STAG3: variants seen among roughly 807,000 people sequenced by gnomAD.
The protein encoded by STAG3 is cohesin subunit SA-3.
STAG3 carries 101 observed loss-of-function variants against 160.7 expected under a neutral mutation model. The observed-to-expected ratio is 0.63, with a 90% CI of 0.54 to 0.74. The LOEUF (loss-of-function observed/expected upper bound fraction) is 0.74. Among genes scored for constraint, STAG3 ranks in the 30% least tolerant of loss-of-function variants. STAG3 has a pLI of 0.00. For synonymous variants in STAG3, 519 were observed against 585.0 expected, an observed-to-expected ratio of 0.89 and a Z score of 1.63; for missense variants, 1,188 against 1,517.4, an observed-to-expected ratio of 0.78 and a Z score of 3.61.
At chr7:100,216,470 A>T (rs1031468014), downstream of STAG3, among the ~76,000 whole-genome samples, 5 of 152,320 alleles carry the variant, frequency 3.3e-5, no homozygotes, top group African/African-American at 9.6e-5. Context: ...AACATTTTTT[A>T]AAATCATGGT....
Position 100,204,663 on chromosome 7 carries a change from G to A in STAG3, c.2839G>A (p.Gly947Ser). The A allele has an allele frequency of 1.2e-6, 2 of 1,614,192 alleles. No homozygotes were observed. The highest frequency in any genetic ancestry group is 1.1e-5 in the South Asian group (1 of 91,082). ...TELLQEHGPQ[G>S]LNELPAFIEM... is the part of the protein sequence containing the mutation. ...ACTGCTGCAGGAGCATGGGCCCCAG[G>A]GCCTGAATGAGCTTCCTGCCTTCAT... Residue 947 changes from glycine (G) to serine (S), a missense_variant, in exon 27 of 34, where the codon GGC (glycine) becomes AGC (serine). By Grantham distance (56) the Gly-to-Ser change is moderately conservative. Around this residue, in one of 4 missense-constraint regions of STAG3, gnomAD observed 647 missense variants for 717.2 expected, o/e 0.90. Transcript: ENST00000615138.
chr7:100,205,498 C>A (rs1201752758), intron 29 of STAG3, 114 bp downstream of exon 29: 21 of 1,148,490 alleles, frequency 1.8e-5, no homozygotes, highest in Admixed American at 3.1e-5. Flanking sequence ...GTATTAATTT[C>A]TTTCAAGGTT....
At chr7:100,181,144 T>A (rs1419141592) in intron 2 of STAG3, among the ~76,000 whole-genome samples, 1 of 152,176 alleles carries the variant, frequency 6.6e-6, no homozygotes, top group Non-Finnish European at 1.5e-5. Flanking sequence ...TTTTGGCTAG[T>A]GTCCCCTATT....
intron 4 of STAG3, among the ~76,000 whole-genome samples, chr7:100,184,498 T>G (rs1307460183): frequency 7.9e-6 from 1 of 126,626 alleles, no homozygotes; most frequent in Non-Finnish European, 1.6e-5. Flanking sequence ...AGACGGAGTC[T>G]TGTTCTGTCG....
At chr7:100,201,055 G>A in intron 19 of STAG3, 35 bp from the exon 20 acceptor site, 1 of 1,614,066 alleles carries the variant, frequency 6.2e-7, no homozygotes. Context: ...TGAGTTCTGG[G>A]GGAAATGCTA....
At position 100,204,887 on chromosome 7, in the gene STAG3, G is replaced by A. The variant is rs992654305; in HGVS notation, c.2951+112G>A. 4.4e-6 allele frequency: 7 copies of A among 1,576,372 alleles called. No individual in the cohort carries two copies. The African/African-American group carries it at 8.1e-5, about 18-fold the overall frequency. On this transcript the variant is annotated intron_variant, in intron 27 of 33. Coordinates refer to ENST00000615138, the MANE Select transcript of STAG3 (RefSeq NM_001282717.2). ...AAGGCATAGCAGTCAGGTTAGGGGT[G>A]GGTATGCCTTTGGAGACAAGCTGGG...
At chr7:100,202,140 C>T (rs1235968616) in intron 23 of STAG3, 32 bp from the exon 24 acceptor site, 1 of 1,609,382 alleles carries the variant, frequency 6.2e-7, no homozygotes, top group Non-Finnish European at 8.5e-7. Context: ...AACATTCTGT[C>T]CTTTTAAACA....
chr7:100,197,267 T>C lies in STAG3; in HGVS notation c.1053T>C (p.Thr351=), dbSNP rs541835631. Residue 351 remains threonine (T), a synonymous_variant, in exon 10 of 34, where the codon ACT becomes ACC. Transcript: ENST00000615138. The stretch of plus-strand genomic sequence containing the variant: ...GCTATTTAAAATATATTGGTTGGAC[T>C]CTGCATGATAAGGTGGGATTCGAGT... ...TDSYLKYIGW[T]LHDKHREVRL... is the part of the protein sequence containing the mutation. 3.2e-5 allele frequency: 52 copies of C among 1,608,020 alleles called. No individual in the cohort carries two copies. The South Asian group carries it at 5.4e-4, about 17-fold the overall frequency.
intron 8 of STAG3, among the ~76,000 whole-genome samples, chr7:100,192,379 G>C (rs1275612568): frequency 1.3e-5 from 2 of 152,098 alleles, no homozygotes; most frequent in Non-Finnish European, 2.9e-5. Context: ...ACAAAAATTA[G>C]CTAGGTGTGG....
chr7:100,190,496 T>C (rs1321874317), intron 8 of STAG3, among the ~76,000 whole-genome samples: 1 of 152,250 alleles, frequency 6.6e-6, no homozygotes, highest in Non-Finnish European at 1.5e-5. Context: ...AAAGCTTGAA[T>C]ATTAATCTAT....
chr7:100,207,624 TATG>T lies in STAG3; in HGVS notation c.3238+2243_3238+2245del, dbSNP rs1801775159. Among the ~76,000 whole-genome samples the T allele has an allele frequency of 6.6e-6, 1 of 152,210 alleles. No individual in the cohort carries two copies. Among genetic ancestry groups the T allele is most frequent in the African/African-American group, 2.4e-5 (1 of 41,458 alleles). ...TATATATTCTAGACATGAGATTCCTTATGATATGCAAACATTTTCTCCCATTTT... is the reference window on the plus strand; with the variant it reads ...TATATATTCTAGACATGAGATTCCTTATATGCAAACATTTTCTCCCATTTT... On this transcript the variant is annotated intron_variant, in intron 29 of 33. Coordinates refer to ENST00000615138, the MANE Select transcript of STAG3 (RefSeq NM_001282717.2). This position sits in a 1 kb window ranked among gnomAD's most constrained non-coding sequence, Gnocchi z 4.0.
At chr7:100,201,472 C>G (rs1317161477) in intron 21 of STAG3, 121 bp downstream of exon 21, 3 of 851,360 alleles carry the variant, frequency 3.5e-6, no homozygotes, top group Admixed American at 4.3e-5. Context: ...CGAGGAAGAT[C>G]AGGTGGGTGG....
chr7:100,200,327 A>G lies in STAG3; in HGVS notation c.1769A>G (p.Lys590Arg), dbSNP rs773114465. 6.2e-7 allele frequency: 1 copy of G among 1,613,944 alleles called. No individual in the cohort carries two copies. The highest frequency in any genetic ancestry group is 2.2e-5 in the East Asian group (1 of 44,860). The change falls in exon 17 of 34, where the codon AAG (lysine) becomes AGG (arginine). Residue 590 changes from lysine (K) to arginine (R), a missense_variant and splice_region_variant. This residue lies in a region of STAG3 where 240 missense variants were observed against 358.1 expected (regional missense o/e 0.67). Coordinates refer to ENST00000615138, the MANE Select transcript of STAG3 (RefSeq NM_001282717.2). ...CCCCTGCTGCCCCAGCTCCTGGCCA[A>G]GGTACCGCTGCCCCTCCACTCTGCA... ...LIPLLPQLLA[K>R]FSADAEKVTP...
chr7:100,201,214 TGGTTC>T, intron 20 of STAG3, 45 bp from the exon 21 acceptor site: 1 of 1,613,814 alleles, frequency 6.2e-7, no homozygotes, highest in African/African-American at 1.3e-5. Flanking sequence ...TCTGTGGAGT[TGGTTC>T]CCTCTGTTCT....
chr7:100,180,437 G>C (rs780646266), intron 1 of STAG3, 56 bp from the exon 2 acceptor site: 5 of 701,546 alleles, frequency 7.1e-6, no homozygotes, highest in Non-Finnish European at 1.0e-5. Flanking sequence ...GGACTGGTCA[G>C]GGCTGGGGAT....
chr7:100,182,685 T>G (rs776582985), intron 3 of STAG3, 38 bp from the exon 4 acceptor site: 35 of 1,597,312 alleles, frequency 2.2e-5, no homozygotes, highest in East Asian at 4.5e-5. Flanking sequence ...ACCTTTTTTG[T>G]TTTTTTTTCA....
At chr7:100,179,769 C>T (rs1366088654) in intron 1 of STAG3, among the ~76,000 whole-genome samples, 2 of 152,078 alleles carry the variant, frequency 1.3e-5, no homozygotes, top group Non-Finnish European at 2.9e-5. Flanking sequence ...GAGTTTCACT[C>T]TTGTTGCCCA....
At chr7:100,185,370 A>C (rs921070487) in intron 4 of STAG3, among the ~76,000 whole-genome samples, 2 of 152,078 alleles carry the variant, frequency 1.3e-5, no homozygotes, top group African/African-American at 4.8e-5. Context: ...GCTAAGGTGG[A>C]TCTCACTTGA....
chr7:100,205,816 C>T (rs963355836), intron 29 of STAG3, among the ~76,000 whole-genome samples: 6 of 146,402 alleles, frequency 4.1e-5, no homozygotes, highest in East Asian at 2.0e-4. Context: ...GGTGACAGAG[C>T]GAGACTCTGT....
Sources: gnomAD v4.1 joint callset for allele counts (sites outside exome capture counted in the v4.1 genomes callset) on GRCh38, gnomAD v4.1.1 for gene constraint, gnomAD v4.1.1 regional missense constraint, Gnocchi (gnomAD v3.1) non-coding constraint, MANE v1.5 for transcripts, NCBI Gene and HGNC (gene_info 2026-07-23, HGNC 2026-07-21) for gene names.